The following NOP14 variants were observed in gnomAD, a reference collection of about 807,000 sequenced individuals.
NOP14 encodes nucleolar protein 14.
A neutral mutation model predicts 101.6 loss-of-function variants in NOP14; 57 were observed. The observed-to-expected ratio is 0.56, with a 90% CI of 0.45 to 0.70. NOP14 has a LOEUF of 0.70. NOP14 is among the 30% of genes least tolerant of loss of function. NOP14 has a pLI of 0.00. For synonymous variants in NOP14, 428 were observed against 424.0 expected (o/e 1.01, Z -0.12); for missense variants, 1,134 against 1,075.5 (o/e 1.05, Z -0.76).
rs1453739873 is a variant in NOP14 at position 2,956,831 on chromosome 4, G to A, written c.331-20C>T. 3.2e-6 allele frequency: 5 copies of A among 1,562,236 alleles called. No homozygotes were observed. The East Asian group carries it at 1.1e-4, about 35-fold the overall frequency. On this transcript the variant is annotated intron_variant, in intron 2 of 17. Transcript: ENST00000416614. ...ATGTCGCTGACAGAAGAGAAAAAAA[G>A]TTTCCTAAAATTACCACTTCCATTT...
chr4:2,941,846 C>T (rs371463236), intron 14 of NOP14, 117 bp from the exon 15 acceptor site: 3 of 1,256,600 alleles, frequency 2.4e-6, no homozygotes, highest in African/African-American at 3.0e-5. Context: ...CCAGTGTGGC[C>T]ACCTTGGCCG....
In NOP14 at chr4:2,945,247, C is replaced by A. The variant is rs756779411; in HGVS notation, c.1636-18G>T. 2.7e-5 allele frequency: 42 copies of A among 1,539,116 alleles called. No individual in the cohort carries two copies. The highest frequency in any genetic ancestry group is 3.7e-5 in the Non-Finnish European group (42 of 1,134,096). ...TAAATGAGCTGGAAAGAAAGTGTTA[C>A]CACAGGTTAAAGAAGGTAAATGAAG... On this transcript the variant is annotated intron_variant, in intron 11 of 17. Coordinates refer to ENST00000416614, the MANE Select transcript of NOP14 (RefSeq NM_001291978.2).
At chr4:2,963,005 T>C in intron 1 of NOP14, 120 bp downstream of exon 1, 1 of 991,900 alleles carries the variant, frequency 1.0e-6, no homozygotes, top group Non-Finnish European at 1.4e-6. Context: ...CAGTGCCGTG[T>C]GCCTGTCACG....
intron 7 of NOP14, 38 bp from the exon 8 acceptor site, chr4:2,950,251 G>T: frequency 6.2e-7 from 1 of 1,606,210 alleles, no homozygotes. Flanking sequence ...ATGAGGACAG[G>T]CGGAGACAAC....
chr4:2,938,771 G>T lies in NOP14; in HGVS notation c.*60C>A. 1 of 1,410,250 alleles carries T rather than the reference G, an allele frequency of 7.1e-7. No homozygotes were observed. Among genetic ancestry groups the T allele is most frequent in the East Asian group, 2.3e-5 (1 of 43,216 alleles). 87.4% of individuals were successfully genotyped at this position (1,410,250 alleles called of 1,614,324 possible). ...AATCTTCCTGCCTTGGCCTCCCAGA[G>T]GGTTGGAATTGCAGATGTGAGGTAA... On this transcript the variant is annotated 3_prime_UTR_variant, in exon 18 of 18. Transcript: ENST00000416614.
At chr4:2,949,394 G>A (rs914988445) in intron 8 of NOP14, among the ~76,000 whole-genome samples, 1 of 151,968 alleles carries the variant, frequency 6.6e-6, no homozygotes, top group Non-Finnish European at 1.5e-5. Flanking sequence ...TGGTAGAGAC[G>A]AGGTTTCGCA....
intron 1 of NOP14, 57 bp downstream of exon 1, chr4:2,963,068 G>A: frequency 8.3e-6 from 12 of 1,445,050 alleles, no homozygotes; most frequent in Non-Finnish European, 1.0e-5. Context: ...GCAGCCGGCC[G>A]AGAGCAGCGT....
chr4:2,955,598 G>A (rs561422737), intron 3 of NOP14, among the ~76,000 whole-genome samples: 40 of 152,316 alleles, frequency 2.6e-4, no homozygotes, highest in African/African-American at 8.7e-4. Context: ...GCGCCACAGC[G>A]CCTCCTGGCA....
rs1338573999 is a variant in NOP14, at chr4:2,956,805, G to T, written c.337C>A (p.His113Asn). 5 of 1,593,442 alleles carry T rather than the reference G, an allele frequency of 3.1e-6. No individual in the cohort carries two copies. Among genetic ancestry groups the T allele is most frequent in the African/African-American group, 1.4e-5 (1 of 73,530 alleles). The part of the protein sequence containing the change: ...KRFALEQQRH[H>N]EKKSIYNLNE... ...AGATTGTAGATGCTTTTTTTCTCAT[G>T]ATGTCGCTGACAGAAGAGAAAAAAA... The change falls in exon 3 of 18, where the codon CAT (histidine) becomes AAT (asparagine). Residue 113 changes from histidine (H) to asparagine (N), a missense_variant. Coordinates refer to ENST00000416614, the MANE Select transcript of NOP14 (RefSeq NM_001291978.2).
intron 15 of NOP14, among the ~76,000 whole-genome samples, chr4:2,939,976 A>G (rs1474958604): frequency 6.6e-6 from 1 of 152,172 alleles, no homozygotes; most frequent in Non-Finnish European, 1.5e-5. Context: ...CAGAAACGTC[A>G]ACAGAACCCC....
At chr4:2,944,248 G>A in intron 12 of NOP14, 22 bp from the exon 13 acceptor site, 2 of 1,605,602 alleles carry the variant, frequency 1.2e-6, no homozygotes, top group Non-Finnish European at 1.7e-6. Context: ...CATATGGGGG[G>A]TTACTGTCCT....
chr4:2,961,692 C>G (rs1715934834), intron 1 of NOP14: 1 of 152,272 alleles, frequency 6.6e-6, no homozygotes, highest in South Asian at 2.1e-4. Context: ...ACAGCTCACT[C>G]CCCTTGCAAA....
At position 2,951,176 on chromosome 4, in the gene NOP14, C is replaced by T; in HGVS notation, c.940G>A (p.Ala314Thr). 1 of 1,613,734 alleles carries T rather than the reference C, an allele frequency of 6.2e-7. No individual in the cohort carries two copies. Among genetic ancestry groups the T allele is most frequent in the Non-Finnish European group, 8.5e-7 (1 of 1,179,584 alleles). ...ENVKKPKHMSADDLNDGFVLD... is the reference protein window; with the variant it reads ...ENVKKPKHMSTDDLNDGFVLD... ...ACGAAGCCATCATTCAGATCATCTG[C>T]TGACATATGTTTTGGTTTCTTAACA... The change falls in exon 7 of 18, where the codon GCA (alanine) becomes ACA (threonine). Residue 314 changes from alanine (A) to threonine (T), a missense_variant. Transcript: ENST00000416614.
intron 5 of NOP14, 26 bp downstream of exon 5, chr4:2,953,485 A>T (rs150068008): frequency 6.2e-7 from 1 of 1,612,366 alleles, no homozygotes; most frequent in South Asian, 1.1e-5. Context: ...GTGAGTGAAG[A>T]GTTTGTTTCA....
At chr4:2,956,588 TA>T in intron 3 of NOP14, 81 bp downstream of exon 3, 1 of 1,358,842 alleles carries the variant, frequency 7.4e-7, no homozygotes, top group Non-Finnish European at 9.9e-7. Flanking sequence ...CTCTAGTCTC[TA>T]AGAAGAGCAG....
In NOP14 at chr4:2,946,593, G is replaced by A. The variant is rs546679501; in HGVS notation, c.1500-46C>T. ...GTCAGGAGAGAATGACTTTAGATAAGAAACACAGAAAAGCCCTGCAAGCCA... is the reference window on the plus strand; with the variant it reads ...GTCAGGAGAGAATGACTTTAGATAAAAAACACAGAAAAGCCCTGCAAGCCA... On this transcript the variant is annotated intron_variant, in intron 10 of 17. Coordinates refer to ENST00000416614, the MANE Select transcript of NOP14 (RefSeq NM_001291978.2). 3.1e-6 allele frequency: 5 copies of A among 1,597,760 alleles called. No homozygotes were observed. In the East Asian group the frequency reaches 1.1e-4, roughly 36 times the overall value.
At chr4:2,943,114 GGGCGGCCGC>G (rs1714347970) in intron 13 of NOP14, among the ~76,000 whole-genome samples, 1 of 152,222 alleles carries the variant, frequency 6.6e-6, no homozygotes, top group Non-Finnish European at 1.5e-5. Flanking sequence ...GGGAGCATGT[GGGCGGCCGC>G]GCCCCTCTGG....
Position 2,960,715 on chromosome 4 carries a change from ATAT to A in NOP14, c.195+2407_195+2409del, listed in dbSNP as rs1409816679. Among the ~76,000 whole-genome samples, 42 of 100,540 alleles carry A rather than the reference ATAT, an allele frequency of 4.2e-4. 1 individual carries two copies. Among genetic ancestry groups the A allele is most frequent in the Middle Eastern group, 5.4e-3 (1 of 184 alleles). The allele number at this position is 100,540 out of a possible 152,430, so 66.0% of individuals were successfully genotyped here. A position where few individuals can be genotyped will look rare whatever the true frequency, so the allele number is the denominator to read the frequency against. On this transcript the variant is annotated intron_variant, in intron 1 of 17. Transcript: ENST00000416614. ...TAATCACATTAATATTAATATATTA[ATAT>A]TATAATCACATTAATATTAATATAT...
rs370742113 is a variant in NOP14 at position 2,952,305 on chromosome 4, C to T, written c.840G>A (p.Lys280=). 1.5e-5 allele frequency: 25 copies of T among 1,613,748 alleles called. No homozygotes were observed. The African/African-American group carries it at 2.9e-4, about 19-fold the overall frequency. The change falls in exon 6 of 18, where the codon AAG becomes AAA. Residue 280 remains lysine (K), a synonymous_variant. Coordinates refer to ENST00000416614, the MANE Select transcript of NOP14 (RefSeq NM_001291978.2). ...GCTTCCTGAGGTGCTCCTGCTCTTC[C>T]TTTGCCAATTCTGCCTCCGTCTTCA... is the stretch of plus-strand genomic sequence containing the variant. The part of the protein sequence containing the change: ...NRMKTEAELA[K]EEQEHLRKLE...
Sources: gnomAD v4.1 joint callset for allele counts (sites outside exome capture counted in the v4.1 genomes callset) on GRCh38, gnomAD v4.1.1 for gene constraint, MANE v1.5 for transcripts, NCBI Gene and HGNC (gene_info 2026-07-23, HGNC 2026-07-21) for gene names.